INPP4B: variants seen among roughly 807,000 people sequenced by gnomAD.
INPP4B encodes inositol polyphosphate 4-phosphatase type II.
Under a neutral mutation model 122.5 loss-of-function variants are expected in INPP4B, and 55 were observed. The observed-to-expected ratio is 0.45, with a 90% CI of 0.36 to 0.56. The LOEUF (loss-of-function observed/expected upper bound fraction) is 0.56, where lower values mean the gene tolerates loss of function less well. INPP4B is among the 20% of genes least tolerant of loss of function. The pLI is 0.00. For synonymous variants in INPP4B, 403 were observed against 388.7 expected (o/e 1.04, Z -0.43); for missense variants, 1,000 against 1,097.7 (o/e 0.91, Z 1.26).
intron 1 of INPP4B, among the ~76,000 whole-genome samples, chr4:142,756,623 T>G (rs1770559616): frequency 6.6e-6 from 1 of 151,578 alleles, no homozygotes; most frequent in Non-Finnish European, 1.5e-5. Flanking sequence ...ATTCAAAGTA[T>G]TAGGCATACT....
chr4:142,655,461 T>C (rs1753947243), intron 2 of INPP4B, among the ~76,000 whole-genome samples: 1 of 152,230 alleles, frequency 6.6e-6, no homozygotes, highest in Non-Finnish European at 1.5e-5. Context: ...TCATTTTTAA[T>C]ATTTGCCTCC....
At chr4:142,332,507 A>T (rs1194962696) in intron 7 of INPP4B, among the ~76,000 whole-genome samples, 1 of 152,128 alleles carries the variant, frequency 6.6e-6, no homozygotes, top group African/African-American at 2.4e-5. Context: ...AGGGGGAAAA[A>T]AAAGCATATA....
chr4:142,633,887 G>A lies in INPP4B; in HGVS notation c.-191+91952C>T, dbSNP rs1217774110. On this transcript the variant is annotated intron_variant, in intron 2 of 25. Transcript: ENST00000262992. ...AAGGTAGATATTAAAAATTAGCTGG[G>A]CATGGTGATGTGCCCATAGTCCCAG... 3.3e-5 allele frequency among the ~76,000 whole-genome samples: 5 copies of A among 152,020 alleles called. No homozygotes were observed. In the East Asian group the frequency reaches 9.7e-4, roughly 29 times the overall value.
chr4:142,524,092 A>G (rs1826489019), intron 2 of INPP4B, among the ~76,000 whole-genome samples: 1 of 151,426 alleles, frequency 6.6e-6, no homozygotes, highest in Non-Finnish European at 1.5e-5. Flanking sequence ...AGTCTTTGCT[A>G]TTGTGAATAG....
At chr4:142,466,134 G>A (rs936486652) in intron 2 of INPP4B, among the ~76,000 whole-genome samples, 1 of 152,192 alleles carries the variant, frequency 6.6e-6, no homozygotes, top group African/African-American at 2.4e-5. Flanking sequence ...TGGATAATGG[G>A]CAGAAGTTGG....
At chr4:142,041,908 A>G (rs1747837336) in intron 25 of INPP4B, among the ~76,000 whole-genome samples, 1 of 152,200 alleles carries the variant, frequency 6.6e-6, no homozygotes, top group Non-Finnish European at 1.5e-5. Flanking sequence ...AGGCTAAAAC[A>G]TAATTTAAGT....
intron 18 of INPP4B, among the ~76,000 whole-genome samples, chr4:142,128,731 T>C (rs1437448339): frequency 6.6e-6 from 1 of 152,126 alleles, no homozygotes; most frequent in Non-Finnish European, 1.5e-5. Context: ...TTCTCCGGCA[T>C]ATTCAAGGGA....
chr4:142,577,288 C>T (rs1472268519), intron 2 of INPP4B, among the ~76,000 whole-genome samples: 1 of 151,940 alleles, frequency 6.6e-6, no homozygotes, highest in African/African-American at 2.4e-5. Flanking sequence ...TGAAAATCCT[C>T]CTATCATGTC....
At chr4:142,351,422 A>G (rs1781898118) in intron 7 of INPP4B, among the ~76,000 whole-genome samples, 1 of 151,960 alleles carries the variant, frequency 6.6e-6, no homozygotes, top group Non-Finnish European at 1.5e-5. Context: ...TTTAATATCT[A>G]TGTTCAAATA....
At chr4:142,584,671 C>G (rs971016761) in intron 2 of INPP4B, among the ~76,000 whole-genome samples, 2 of 151,996 alleles carry the variant, frequency 1.3e-5, no homozygotes, top group Non-Finnish European at 2.9e-5. Flanking sequence ...TTGATTTGAC[C>G]TTAATCACCT....
At chr4:142,614,927 T>C (rs1300810817) in intron 2 of INPP4B, among the ~76,000 whole-genome samples, 1 of 152,138 alleles carries the variant, frequency 6.6e-6, no homozygotes, top group East Asian at 1.9e-4. Flanking sequence ...AAAGGAATGC[T>C]TATAGACTAT....
chr4:142,208,326 A>G (rs1357492047), intron 14 of INPP4B, 99 bp downstream of exon 14: 2 of 525,860 alleles, frequency 3.8e-6, no homozygotes, highest in African/African-American at 2.0e-5. Flanking sequence ...TCAACTTTAT[A>G]TAATTGTTAA....
chr4:142,293,541 C>T (rs181365510), intron 9 of INPP4B, among the ~76,000 whole-genome samples: 35 of 152,162 alleles, frequency 2.3e-4, no homozygotes, highest in African/African-American at 8.2e-4. Context: ...TCCTTCTCTT[C>T]TACCTTCTTA....
At chr4:142,425,113 T>C (rs1807763418) in intron 5 of INPP4B, 1 of 152,028 alleles carries the variant, frequency 6.6e-6, no homozygotes, top group African/African-American at 2.4e-5. Context: ...CTATACATAA[T>C]ACATGGATTC....
intron 1 of INPP4B, among the ~76,000 whole-genome samples, chr4:142,822,106 A>G (rs1282595584): frequency 6.6e-6 from 1 of 152,130 alleles, no homozygotes; most frequent in African/African-American, 2.4e-5. Flanking sequence ...GCTACCCACC[A>G]AAAATATTAC....
intron 2 of INPP4B, among the ~76,000 whole-genome samples, chr4:142,494,002 T>C (rs1822207331): frequency 1.3e-5 from 2 of 152,150 alleles, no homozygotes; most frequent in African/African-American, 2.4e-5. Flanking sequence ...ATGCTGTTCT[T>C]GGGACAGTGA....
chr4:142,827,624 T>A (rs1477757244), intron 1 of INPP4B, among the ~76,000 whole-genome samples: 1 of 152,056 alleles, frequency 6.6e-6, no homozygotes, highest in African/African-American at 2.4e-5. Context: ...AAACTTAGAG[T>A]CAGAAATATA....
At chr4:142,170,247 T>C (rs1216602343) in intron 16 of INPP4B, among the ~76,000 whole-genome samples, 3 of 151,752 alleles carry the variant, frequency 2.0e-5, no homozygotes, top group Non-Finnish European at 4.4e-5. Flanking sequence ...TTCTTTAATA[T>C]TTTCATGAAC....
chr4:142,561,765 A>G (rs1730527898), intron 2 of INPP4B, among the ~76,000 whole-genome samples: 1 of 152,204 alleles, frequency 6.6e-6, no homozygotes, highest in South Asian at 2.1e-4. Flanking sequence ...AGAAAGAAAT[A>G]GAATGTCTTT....
Sources: allele counts gnomAD v4.1 joint callset (sites outside exome capture counted in the v4.1 genomes callset), GRCh38; gene constraint gnomAD v4.1.1; transcripts MANE v1.5; gene names NCBI Gene and HGNC (gene_info 2026-07-23, HGNC 2026-07-21).